CNBD2: variants seen among roughly 807,000 people sequenced by gnomAD.
CNBD2 encodes the protein cyclic nucleotide binding domain containing 2.
CNBD2 carries 64 observed loss-of-function variants against 63.7 expected under a neutral mutation model. The observed-to-expected ratio is 1.00, with a 90% CI of 0.82 to 1.24. The LOEUF (loss-of-function observed/expected upper bound fraction) is 1.24. CNBD2 is among the 50% of genes most tolerant of loss of function. The pLI is 0.00. For synonymous variants in CNBD2, 229 were observed against 255.4 expected, an observed-to-expected ratio of 0.90 and a Z score of 0.99; for missense variants, 691 against 713.5, an observed-to-expected ratio of 0.97 and a Z score of 0.36.
At chr20:36,023,529 A>T (rs201315543) in intron 10 of CNBD2, 73 bp from the exon 11 acceptor site, 6 of 833,476 alleles carry the variant, frequency 7.2e-6, no homozygotes, top group Non-Finnish European at 8.9e-6. Context: ...AAAATAAAAG[A>T]AAAAAAAGAA....
At chr20:36,007,442 A>G (rs919363950) in intron 8 of CNBD2, among the ~76,000 whole-genome samples, 1 of 152,040 alleles carries the variant, frequency 6.6e-6, no homozygotes, top group South Asian at 2.1e-4. Context: ...CACCACTGCA[A>G]CTGGCTCTTG....
intron 9 of CNBD2, among the ~76,000 whole-genome samples, chr20:36,010,181 C>G (rs1407488314): frequency 6.6e-6 from 1 of 152,256 alleles, no homozygotes; most frequent in East Asian, 1.9e-4. Context: ...CAGAGCAGCA[C>G]AGCCCCCTCC....
chr20:36,017,373 C>T (rs1212382730), intron 10 of CNBD2, among the ~76,000 whole-genome samples: 2 of 152,116 alleles, frequency 1.3e-5, no homozygotes, highest in African/African-American at 4.8e-5. Flanking sequence ...GTCCTTATGC[C>T]ATTCTCCCCC....
At chr20:36,011,460 G>T (rs141836544) in intron 10 of CNBD2, among the ~76,000 whole-genome samples, 17 of 152,334 alleles carry the variant, frequency 1.1e-4, no homozygotes, top group African/African-American at 3.4e-4. Flanking sequence ...GCCGAGGTGG[G>T]CAGATCACAA....
intron 7 of CNBD2, among the ~76,000 whole-genome samples, chr20:35,992,918 C>A (rs1310184459): frequency 6.6e-6 from 1 of 151,924 alleles, no homozygotes; most frequent in Non-Finnish European, 1.5e-5. Context: ...CACTAGAGGG[C>A]AAAATCAGCT....
chr20:35,979,537 C>T (rs182634402), intron 3 of CNBD2, among the ~76,000 whole-genome samples: 96 of 152,380 alleles, frequency 6.3e-4, no homozygotes, highest in African/African-American at 2.2e-3. Context: ...GGATTATAGG[C>T]ATGAGCCACT....
chr20:35,957,585 AC>A (rs1335065676), downstream of CNBD2: 1 of 152,210 alleles, frequency 6.6e-6, no homozygotes, highest in African/African-American at 2.4e-5. Flanking sequence ...CTGAAAAAAA[AC>A]ATATAATGCC....
At chr20:35,994,911 A>G (rs927744633) in intron 7 of CNBD2, 127 bp from the exon 8 acceptor site, 1 of 627,250 alleles carries the variant, frequency 1.6e-6, no homozygotes, top group Admixed American at 3.0e-5. Flanking sequence ...AAAGAACCTG[A>G]AACCACTTGC....
intron 8 of CNBD2, among the ~76,000 whole-genome samples, chr20:36,001,528 CGGCT>C (rs2056903665): frequency 3.1e-5 from 4 of 130,522 alleles, no homozygotes; most frequent in African/African-American, 3.0e-5. Context: ...ACGGGGCGGC[CGGCT>C]GGGCGGAGAC....
rs529374902 is a variant in CNBD2 at position 36,010,624 on chromosome 20, A to G, written c.1149-513A>G. On this transcript the variant is annotated intron_variant, in intron 9 of 11. Coordinates refer to ENST00000373973, the MANE Select transcript of CNBD2 (RefSeq NM_001365709.1). ...TGTCTCTGCTAAAAATTAGCTGGGC[A>G]TGGTGGTGGGTGCCTGTAGTCCCTG... 7.6e-4 allele frequency among the ~76,000 whole-genome samples: 116 copies of G among 152,134 alleles called. 1 individual carries two copies. Among genetic ancestry groups the G allele is most frequent in the African/African-American group, 2.7e-3 (112 of 41,538 alleles).
At chr20:36,028,444 G>T (rs920641472) in intron 11 of CNBD2, among the ~76,000 whole-genome samples, 5 of 152,136 alleles carry the variant, frequency 3.3e-5, no homozygotes, top group Admixed American at 1.3e-4. Context: ...AAGACTCTGA[G>T]ATCCTGAAGA....
At chr20:36,030,255 C>T in intron 11 of CNBD2, 102 bp from the exon 12 acceptor site, 1 of 1,136,344 alleles carries the variant, frequency 8.8e-7, no homozygotes, top group South Asian at 1.4e-5. Flanking sequence ...GTCAGAGAAG[C>T]AGAATGAAGC....
At chr20:35,965,618 A>G (rs1259436531), upstream of CNBD2, among the ~76,000 whole-genome samples, 1 of 152,232 alleles carries the variant, frequency 6.6e-6, no homozygotes, top group Non-Finnish European at 1.5e-5. Context: ...CTACCCTGTA[A>G]TAGTTACAGT....
At chr20:36,029,077 T>C (rs1414921090) in intron 11 of CNBD2, among the ~76,000 whole-genome samples, 1 of 152,084 alleles carries the variant, frequency 6.6e-6, no homozygotes, top group African/African-American at 2.4e-5. Flanking sequence ...GGCTACCCTG[T>C]TCAGTGAAAA....
chr20:35,966,851 T>C (rs1485177136), upstream of CNBD2, among the ~76,000 whole-genome samples: 1 of 152,224 alleles, frequency 6.6e-6, no homozygotes, highest in Non-Finnish European at 1.5e-5. Context: ...TTTTAAATCA[T>C]CTTTTTCTTC....
At chr20:36,022,950 A>G (rs1273232415) in intron 10 of CNBD2, among the ~76,000 whole-genome samples, 1 of 152,178 alleles carries the variant, frequency 6.6e-6, no homozygotes, top group Non-Finnish European at 1.5e-5. Context: ...TGTAAGTCCT[A>G]AGGAAGAGAA....
In CNBD2 at chr20:35,980,560, T is replaced by C. The variant is rs1436935295; in HGVS notation, c.345T>C (p.Asp115=). 6.2e-7 allele frequency: 1 copy of C among 1,614,030 alleles called. No homozygotes were observed. Among genetic ancestry groups the C allele is most frequent in the Non-Finnish European group, 8.5e-7 (1 of 1,180,042 alleles). Residue 115 remains aspartate (D), a synonymous_variant, in exon 4 of 12, where the codon GAT becomes GAC. Coordinates refer to ENST00000373973, the MANE Select transcript of CNBD2 (RefSeq NM_001365709.1). ...QAVCNILQVL[D]SYRNYAEPLQ... ...TCTGTAACATCTTGCAGGTTCTGGATAGCTATCGGAACTACGCAGAGCCCC... is the reference window on the plus strand; with the variant it reads ...TCTGTAACATCTTGCAGGTTCTGGACAGCTATCGGAACTACGCAGAGCCCC...
chr20:36,011,166 C>G lies in CNBD2; in HGVS notation c.1178C>G (p.Ala393Gly). 6.3e-7 allele frequency: 1 copy of G among 1,594,136 alleles called. No homozygotes were observed. Among genetic ancestry groups the G allele is most frequent in the Non-Finnish European group, 8.6e-7 (1 of 1,169,496 alleles). The change falls in exon 10 of 12, where the codon GCC becomes GGC. Residue 393 changes from alanine to glycine, a missense_variant. Transcript: ENST00000373973. ...AGGCCTGCTCAGTCGATCAAATGTG[C>G]CATGATCAATATCAAGCCTGGTGAG... is the stretch of plus-strand genomic sequence containing the variant. ...QSRPAQSIKC[A>G]MINIKPGELP...
intron 6 of CNBD2, among the ~76,000 whole-genome samples, chr20:35,986,007 T>G (rs1415494293): frequency 6.6e-6 from 1 of 152,206 alleles, no homozygotes; most frequent in African/African-American, 2.4e-5. Context: ...AGTCAGAAAG[T>G]AAGCACCGTA....
Sources: allele counts gnomAD v4.1 joint callset (sites outside exome capture counted in the v4.1 genomes callset), GRCh38; gene constraint gnomAD v4.1.1; transcripts MANE v1.5; gene names NCBI Gene and HGNC (gene_info 2026-07-23, HGNC 2026-07-21).